CHODL: variants seen among roughly 807,000 people sequenced by gnomAD.
CHODL encodes the protein transmembrane protein MT75.
CHODL carries 29 observed loss-of-function variants against 34.5 expected under a neutral mutation model. The observed-to-expected ratio is 0.84, with a 90% CI of 0.63 to 1.15. CHODL has a LOEUF of 1.15. Among genes scored for constraint, CHODL ranks in the 50% most tolerant of loss-of-function variants. The pLI, the probability that CHODL is intolerant of heterozygous loss-of-function variation, is 0.00. For missense variants in CHODL, 332 were observed against 332.5 expected, an observed-to-expected ratio of 1.00 and a Z score of 0.01; for synonymous variants, 125 against 116.1, an observed-to-expected ratio of 1.08 and a Z score of -0.49.
intron 2 of CHODL, among the ~76,000 whole-genome samples, chr21:18,163,900 T>C: frequency 6.6e-6 from 1 of 152,200 alleles, no homozygotes; most frequent in East Asian, 1.9e-4. Context: ...TGATCCCCAG[T>C]GTGATTAATG....
At chr21:18,013,915 G>C (rs144045914) in intron 1 of CHODL, among the ~76,000 whole-genome samples, 1 of 151,972 alleles carries the variant, frequency 6.6e-6, no homozygotes, top group Non-Finnish European at 1.5e-5. Context: ...GATTACCGGC[G>C]TGAGCCACCG....
chr21:18,089,148 C>G (rs907974207), intron 2 of CHODL, among the ~76,000 whole-genome samples: 1 of 152,196 alleles, frequency 6.6e-6, no homozygotes, highest in Non-Finnish European at 1.5e-5. Context: ...AATCTTGTTG[C>G]TCACATAACT....
intron 2 of CHODL, among the ~76,000 whole-genome samples, chr21:18,144,719 A>T (rs1010176852): frequency 2.6e-5 from 4 of 152,036 alleles, no homozygotes; most frequent in South Asian, 2.1e-4. Context: ...TTATAAAAAA[A>T]ATCACTTTTT....
chr21:17,964,610 A>G (rs1209568711), intron 1 of CHODL, among the ~76,000 whole-genome samples: 2 of 152,144 alleles, frequency 1.3e-5, no homozygotes, highest in Admixed American at 1.3e-4. Context: ...TTTGTTTTGA[A>G]TCTTTGTTTC....
chr21:18,145,147 G>A (rs1378371036), intron 2 of CHODL, among the ~76,000 whole-genome samples: 1 of 151,032 alleles, frequency 6.6e-6, no homozygotes, highest in Non-Finnish European at 1.5e-5. Context: ...ATTAGAAAGT[G>A]GCATTTGGGC....
chr21:18,025,957 G>T (rs2146431504), intron 1 of CHODL, among the ~76,000 whole-genome samples: 1 of 152,220 alleles, frequency 6.6e-6, no homozygotes, highest in Non-Finnish European at 1.5e-5. Flanking sequence ...TTCAAATGCT[G>T]TTACATTCTG....
chr21:18,123,158 A>T (rs1601032952), intron 2 of CHODL, among the ~76,000 whole-genome samples: 1 of 152,202 alleles, frequency 6.6e-6, no homozygotes. Flanking sequence ...GGTCTCCCCG[A>T]GGAGCTTCTT....
At chr21:18,051,748 T>C (rs571071082) in intron 2 of CHODL, among the ~76,000 whole-genome samples, 1 of 152,104 alleles carries the variant, frequency 6.6e-6, no homozygotes, top group South Asian at 2.1e-4. Context: ...GTTAACTACT[T>C]CTTAAATATT....
intron 1 of CHODL, among the ~76,000 whole-genome samples, chr21:17,957,612 C>G (rs544553587): frequency 6.6e-6 from 1 of 151,952 alleles, no homozygotes; most frequent in East Asian, 1.9e-4. Flanking sequence ...ATTCTATAAA[C>G]CAGAATCTTT....
At chr21:18,074,070 A>C (rs1188183681) in intron 2 of CHODL, among the ~76,000 whole-genome samples, 1 of 152,142 alleles carries the variant, frequency 6.6e-6, no homozygotes, top group Non-Finnish European at 1.5e-5. Flanking sequence ...TGGCTGAGAC[A>C]TGAATCTAAT....
intron 2 of CHODL, among the ~76,000 whole-genome samples, chr21:18,200,203 T>C (rs2073636106): frequency 6.6e-6 from 1 of 152,176 alleles, no homozygotes; most frequent in Admixed American, 6.5e-5. Context: ...TTAATTTGCA[T>C]AGTTATAATA....
At chr21:18,023,009 G>A (rs2064141699) in intron 1 of CHODL, among the ~76,000 whole-genome samples, 1 of 152,186 alleles carries the variant, frequency 6.6e-6, no homozygotes, top group African/African-American at 2.4e-5. Context: ...AACGGCTGTT[G>A]CCTAAATGCC....
At chr21:18,261,967 C>G (rs2074387731) in intron 4 of CHODL, among the ~76,000 whole-genome samples, 1 of 151,702 alleles carries the variant, frequency 6.6e-6, no homozygotes, top group African/African-American at 2.4e-5. Flanking sequence ...AATCGTGACA[C>G]TAAGCTTATT....
chr21:18,228,471 C>T (rs1004097546), intron 2 of CHODL, among the ~76,000 whole-genome samples: 7 of 152,080 alleles, frequency 4.6e-5, no homozygotes, highest in Admixed American at 1.3e-4. Context: ...GTCTGTGCTA[C>T]GCAAGGAACA....
chr21:18,207,408 A>C (rs1258389755), intron 2 of CHODL, among the ~76,000 whole-genome samples: 1 of 152,098 alleles, frequency 6.6e-6, no homozygotes, highest in African/African-American at 2.4e-5. Flanking sequence ...GTCTTATTAT[A>C]CTGTGTTTCA....
intron 2 of CHODL, among the ~76,000 whole-genome samples, chr21:18,115,648 T>C (rs2065403410): frequency 6.6e-6 from 1 of 152,250 alleles, no homozygotes; most frequent in African/African-American, 2.4e-5. Flanking sequence ...CTCTAATGAC[T>C]TACCTCTGCC....
intron 1 of CHODL, among the ~76,000 whole-genome samples, chr21:17,963,361 C>T (rs2063547657): frequency 6.6e-6 from 1 of 152,184 alleles, no homozygotes; most frequent in Admixed American, 6.5e-5. Flanking sequence ...TCGTACTGCT[C>T]TGAAGAAATA....
At chr21:18,077,514 A>G (rs1472213278) in intron 2 of CHODL, among the ~76,000 whole-genome samples, 1 of 152,144 alleles carries the variant, frequency 6.6e-6, no homozygotes, top group Non-Finnish European at 1.5e-5. Context: ...TGTCCCTCTA[A>G]AATTTATATG....
At chr21:17,982,433 C>G (rs1317911021) in intron 1 of CHODL, among the ~76,000 whole-genome samples, 1 of 151,892 alleles carries the variant, frequency 6.6e-6, no homozygotes, top group Non-Finnish European at 1.5e-5. Flanking sequence ...GCTTTGGGCA[C>G]GAACAATATA....
Sources: allele counts gnomAD v4.1 joint callset (sites outside exome capture counted in the v4.1 genomes callset), GRCh38; gene constraint gnomAD v4.1.1; transcripts MANE v1.5; gene names NCBI Gene and HGNC (gene_info 2026-07-23, HGNC 2026-07-21).